FRMPD4: variants seen among roughly 807,000 people sequenced by gnomAD.
FRMPD4 encodes the protein FERM and PDZ domain containing 4, also known as FERM and PDZ domain-containing protein 4.
FRMPD4 carries 22 observed loss-of-function variants against 94.1 expected under a neutral mutation model. The ratio of observed to expected loss-of-function variants is 0.23; its 90% CI spans 0.17 to 0.33. The LOEUF (loss-of-function observed/expected upper bound fraction) is 0.33, where lower values mean the gene tolerates loss of function less well. FRMPD4 is among the 10% of genes least tolerant of loss of function. The probability of loss-of-function intolerance (pLI) is 1.00; values close to 1 mark genes in which losing one functional copy is unlikely to be tolerated. For missense variants in FRMPD4, 1,111 were observed against 1,339.9 expected, an observed-to-expected ratio of 0.83 and a Z score of 2.67; for synonymous variants, 631 against 548.6, an observed-to-expected ratio of 1.15 and a Z score of -2.10.
chrX:12,649,118 A>G (rs1197447559), intron 4 of FRMPD4, among the ~76,000 whole-genome samples: 1 of 111,972 alleles, frequency 8.9e-6, no homozygotes, highest in East Asian at 2.8e-4. Flanking sequence ...TCAGCCCCAT[A>G]AGACGGGATT....
chrX:12,403,072 C>T (rs1280253121), intron 1 of FRMPD4, among the ~76,000 whole-genome samples: 1 of 109,659 alleles, frequency 9.1e-6, no homozygotes, highest in Non-Finnish European at 1.9e-5. Flanking sequence ...AGTGCTTCCC[C>T]CTTAGAATCC....
At chrX:11,948,517 A>G (rs965296180) in intron 3 of FRMPD4, among the ~76,000 whole-genome samples, 1 of 111,603 alleles carries the variant, frequency 9.0e-6, no homozygotes, top group African/African-American at 3.3e-5. Context: ...TCTATGATGC[A>G]TTGTTACAGC....
chrX:12,313,734 C>T (rs745822551), intron 1 of FRMPD4, among the ~76,000 whole-genome samples: 1 of 111,326 alleles, frequency 9.0e-6, no homozygotes, highest in African/African-American at 3.3e-5. Flanking sequence ...ATCTTAATAA[C>T]CAACTTCTTT....
chrX:12,076,283 T>A (rs928998483), intron 3 of FRMPD4, among the ~76,000 whole-genome samples: 3 of 109,805 alleles, frequency 2.7e-5, no homozygotes, highest in African/African-American at 1.0e-4. Context: ...TTAGATAGGA[T>A]AATGCTGGTG....
chrX:12,302,536 T>G (rs2054877003), intron 1 of FRMPD4, among the ~76,000 whole-genome samples: 1 of 111,377 alleles, frequency 9.0e-6, no homozygotes, highest in African/African-American at 3.3e-5. Context: ...TGTGCAAGGC[T>G]AGTCCTGAGC....
chrX:11,912,622 C>G (rs983894552), intron 3 of FRMPD4, among the ~76,000 whole-genome samples: 2 of 111,529 alleles, frequency 1.8e-5, no homozygotes, highest in African/African-American at 6.5e-5. Flanking sequence ...TGAACTTTGC[C>G]TGTGGATTTC....
chrX:12,701,067 CTTTTTTTTTTT>C (rs34465193), intron 9 of FRMPD4, among the ~76,000 whole-genome samples: 111 of 56,580 alleles, frequency 2.0e-3, no homozygotes, highest in Middle Eastern at 0.016. Flanking sequence ...GTTTTGGCTT[CTTTTTTTTTTT>C]TTTTTTTTTT....
intron 3 of FRMPD4, among the ~76,000 whole-genome samples, chrX:11,986,796 C>T (rs2054432118): frequency 9.1e-6 from 1 of 109,717 alleles, no homozygotes; most frequent in African/African-American, 3.3e-5. Flanking sequence ...AACTATATGC[C>T]AAATCTAGAG....
intron 4 of FRMPD4, among the ~76,000 whole-genome samples, chrX:12,657,144 C>G (rs1336437279): frequency 9.0e-6 from 1 of 110,878 alleles, no homozygotes; most frequent in Non-Finnish European, 1.9e-5. Context: ...ACATTATTAT[C>G]TCACCTTTCC....
intron 1 of FRMPD4, among the ~76,000 whole-genome samples, chrX:12,379,675 GTGTGTGTGTA>G (rs1198774740): frequency 9.3e-6 from 1 of 107,358 alleles, no homozygotes; most frequent in Non-Finnish European, 1.9e-5. Context: ...GTGTGTGTGT[GTGTGTGTGTA>G]TCTTTCAGAG....
At chrX:12,650,764 T>C (rs963135857) in intron 4 of FRMPD4, among the ~76,000 whole-genome samples, 7 of 112,836 alleles carry the variant, frequency 6.2e-5, no homozygotes, top group Non-Finnish European at 1.1e-4. Context: ...TGAATAAATT[T>C]GAAAAACAAT....
intron 2 of FRMPD4, among the ~76,000 whole-genome samples, chrX:12,577,625 G>C (rs1488884667): frequency 1.8e-5 from 2 of 111,211 alleles, no homozygotes; most frequent in Admixed American, 9.6e-5. Flanking sequence ...TGGGACCAAG[G>C]GCTAAGGACA....
chrX:12,014,994 G>A (rs1412604628), intron 3 of FRMPD4, among the ~76,000 whole-genome samples: 1 of 111,542 alleles, frequency 9.0e-6, no homozygotes, highest in Non-Finnish European at 1.9e-5. Flanking sequence ...GGACTCTGTG[G>A]TTGGACCCAC....
At position 12,001,328 on chromosome X, in the gene FRMPD4, T is replaced by C. The variant is rs140618896; in HGVS notation, c.95+123310T>C. Among the ~76,000 whole-genome samples, 450 of 112,370 alleles carry C rather than the reference T, an allele frequency of 4.0e-3. 5 individuals carry two copies. The highest frequency in any genetic ancestry group is 0.014 in the African/African-American group (428 of 30,970). On this transcript the variant is annotated intron_variant, in intron 3 of 18. Transcript: ENST00000640291. ...CTCCTTCAAGGTGGATCATGTGAAA[T>C]TGAACTGAATTGGAAGTGCAGGAGT...
chrX:11,851,807 G>A (rs2053623741), intron 1 of FRMPD4, among the ~76,000 whole-genome samples: 1 of 110,649 alleles, frequency 9.0e-6, no homozygotes, highest in Non-Finnish European at 1.9e-5. Context: ...CACTTCTATT[G>A]GATTTTAACA....
intron 3 of FRMPD4, among the ~76,000 whole-genome samples, chrX:11,886,795 C>A (rs1213722673): frequency 9.1e-6 from 1 of 110,249 alleles, no homozygotes; most frequent in Non-Finnish European, 1.9e-5. Context: ...TTTTAAAAAT[C>A]TGATAATTAT....
At chrX:12,294,485 C>CACACACACACACAGAG (rs34874624) in intron 1 of FRMPD4, among the ~76,000 whole-genome samples, 1,696 of 92,076 alleles carry the variant, frequency 0.018, 31 homozygotes, top group African/African-American at 0.049. Context: ...CACACACACA[C>CACACACACACACAGAG]AGAGAGAGAG....
intron 1 of FRMPD4, among the ~76,000 whole-genome samples, chrX:12,406,840 T>G (rs986082479): frequency 1.8e-5 from 2 of 112,149 alleles, no homozygotes; most frequent in African/African-American, 6.5e-5. Flanking sequence ...TTACCACAAA[T>G]GTACTGGCTT....
chrX:12,329,936 C>T (rs1188938681), intron 1 of FRMPD4, among the ~76,000 whole-genome samples: 1 of 109,852 alleles, frequency 9.1e-6, no homozygotes, highest in Admixed American at 9.8e-5. Context: ...AGCAGACCTC[C>T]GGCACTTTCA....
Sources: gnomAD v4.1 joint callset for allele counts (sites outside exome capture counted in the v4.1 genomes callset) on GRCh38, gnomAD v4.1.1 for gene constraint, MANE v1.5 for transcripts, NCBI Gene and HGNC (gene_info 2026-07-23, HGNC 2026-07-21) for gene names.